The following COL5A1 variants were observed in gnomAD, a reference collection of about 807,000 sequenced individuals.
COL5A1 encodes the protein collagen alpha-1(V) chain.
Under a neutral mutation model 263.7 loss-of-function variants are expected in COL5A1, and 16 were observed. That is an observed-to-expected ratio of 0.06 (90% CI 0.04 to 0.09). The LOEUF is 0.09. Among genes scored for constraint, COL5A1 ranks in the 10% least tolerant of loss-of-function variants. The pLI is 1.00. For synonymous variants in COL5A1, 1,012 were observed against 1,004.5 expected (o/e 1.01, Z -0.14); for missense variants, 2,036 against 2,540.5 (o/e 0.80, Z 4.27).
Position 134,806,242 on chromosome 9 carries a change from A to G in COL5A1, c.3312A>G (p.Pro1104=), listed in dbSNP as rs1554803839. The G allele has an allele frequency of 1.3e-6, 2 of 1,550,422 alleles. No individual in the cohort carries two copies. The highest frequency in any genetic ancestry group is 2.7e-5 in the African/African-American group (2 of 73,120). The change falls in exon 42 of 66, where the codon CCA becomes CCG. Residue 1104 remains proline, a synonymous_variant. Transcript: ENST00000371817. ...GAGCCGCTGGGCCCATCGGAATTCC[A>G]GGGAGACCTGGGCCCCAGGGACCCC... ...PAGAAGPIGI[P]GRPGPQGPPG...
At chr9:134,840,820 C>T (rs2132939824) in intron 65 of COL5A1, among the ~76,000 whole-genome samples, 1 of 152,296 alleles carries the variant, frequency 6.6e-6, no homozygotes, top group African/African-American at 2.4e-5. Flanking sequence ...TATAGGGGCA[C>T]TAATACCACT....
At position 134,780,150 on chromosome 9, in the gene COL5A1, A is replaced by C. The variant is rs772211603; in HGVS notation, c.2430+4A>C. On this transcript the variant is annotated splice_donor_region_variant and intron_variant, in intron 28 of 65. Transcript: ENST00000371817. ...GAAGGGCACAAAGGGCGAGAAGGTA[A>C]GTCTCTCCTTGCAGCCACGGGGCCC... is the stretch of plus-strand genomic sequence containing the variant. 9.3e-6 allele frequency: 15 copies of C among 1,613,170 alleles called. No homozygotes were observed. The highest frequency in any genetic ancestry group is 1.3e-5 in the Non-Finnish European group (15 of 1,180,012).
chr9:134,776,438 A>G (rs1368743128), intron 27 of COL5A1, among the ~76,000 whole-genome samples: 2 of 152,256 alleles, frequency 1.3e-5, no homozygotes, highest in East Asian at 3.8e-4. Context: ...CATTCATGAC[A>G]TGAGCAATCC....
rs1295497431 is a variant in COL5A1 at position 134,742,250 on chromosome 9, G to A, written c.1494+3442G>A. ...CTCTTGTGCCCACGGCTGCCCGCAG[G>A]GAGCAGAGTGCAAGGAGAGGCACAG... On this transcript the variant is annotated intron_variant, in intron 11 of 65. Coordinates refer to ENST00000371817, the MANE Select transcript of COL5A1 (RefSeq NM_000093.5). The surrounding 1 kb of genome is among the most constrained non-coding windows in gnomAD (Gnocchi z 4.6). Among the ~76,000 whole-genome samples, 1 of 152,170 alleles carries A rather than the reference G, an allele frequency of 6.6e-6. No individual in the cohort carries two copies. Among genetic ancestry groups the A allele is most frequent in the Non-Finnish European group, 1.5e-5 (1 of 68,042 alleles).
chr9:134,665,328 C>T (rs1416825519), intron 1 of COL5A1, among the ~76,000 whole-genome samples: 1 of 152,176 alleles, frequency 6.6e-6, no homozygotes, highest in Non-Finnish European at 1.5e-5. Context: ...GGGCGAGAGC[C>T]GTTTAGGTGG....
intron 1 of COL5A1, among the ~76,000 whole-genome samples, chr9:134,658,192 A>G (rs1779015395): frequency 6.6e-6 from 1 of 151,898 alleles, no homozygotes; most frequent in Non-Finnish European, 1.5e-5. Flanking sequence ...ACCAATGTTC[A>G]CCCTACAACC....
rs1831707761 is a variant in COL5A1, at chr9:134,652,091, G to A, written c.109+9795G>A. Reference sequence around the variant, plus strand: ...CCTTTGGCTACAGAGTGTTCCCGCGGTCGAGGTGGGGTGAAGGGCGTTCTC... The same window carrying A: ...CCTTTGGCTACAGAGTGTTCCCGCGATCGAGGTGGGGTGAAGGGCGTTCTC... On this transcript the variant is annotated intron_variant, in intron 1 of 65. Transcript: ENST00000371817. The surrounding 1 kb of genome is among the most constrained non-coding windows in gnomAD (Gnocchi z 4.4). Among the ~76,000 whole-genome samples, 1 of 152,174 alleles carries A rather than the reference G, an allele frequency of 6.6e-6. No individual in the cohort carries two copies. The highest frequency in any genetic ancestry group is 1.5e-5 in the Non-Finnish European group (1 of 68,034).
chr9:134,743,627 A>AG, intron 11 of COL5A1, among the ~76,000 whole-genome samples: 1 of 152,276 alleles, frequency 6.6e-6, no homozygotes, highest in East Asian at 1.9e-4. Context: ...CTCCCTGCAC[A>AG]GTGGGATGCA....
At chr9:134,812,537 C>G in intron 47 of COL5A1, 35 bp downstream of exon 47, 1 of 1,612,968 alleles carries the variant, frequency 6.2e-7, no homozygotes, top group Non-Finnish European at 8.5e-7. Flanking sequence ...CCTTGCCGTA[C>G]TAGCGGCTCA....
intron 26 of COL5A1, 62 bp from the exon 27 acceptor site, chr9:134,774,797 G>A (rs1465140742): frequency 2.6e-6 from 4 of 1,549,132 alleles, no homozygotes. Context: ...GGAGTTTCCT[G>A]ATGTTCCCCA....
At chr9:134,808,591 A>T (rs143645283) in intron 42 of COL5A1, among the ~76,000 whole-genome samples, 164 of 150,998 alleles carry the variant, frequency 1.1e-3, no homozygotes, top group African/African-American at 3.9e-3. Flanking sequence ...GTGCATATTC[A>T]CACGTGTGCA....
rs983445894 is a variant in COL5A1 at position 134,808,997 on chromosome 9, T to A, written c.3367-186T>A. 1.5e-4 allele frequency: 95 copies of A among 639,378 alleles called. 1 individual carries two copies. The East Asian group carries it at 2.6e-3, about 17-fold the overall frequency. 39.6% of individuals were successfully genotyped at this position (639,378 alleles called of 1,614,324 possible). A position where few individuals can be genotyped will look rare whatever the true frequency, so the allele number is the denominator to read the frequency against. ...ATTGAAGCGATGCACCAGAAGTTCA[T>A]GGTCCAGGGGCGGGCTCAGAGTCGG... On this transcript the variant is annotated intron_variant, in intron 42 of 65. Transcript: ENST00000371817.
chr9:134,840,640 C>G (rs118085423), intron 65 of COL5A1, among the ~76,000 whole-genome samples: 1 of 152,286 alleles, frequency 6.6e-6, no homozygotes, highest in Admixed American at 6.5e-5. Context: ...CGACAAATCT[C>G]GCCAGCTGCG....
intron 25 of COL5A1, among the ~76,000 whole-genome samples, chr9:134,769,201 C>G (rs1836787449): frequency 6.6e-6 from 1 of 152,202 alleles, no homozygotes; most frequent in Non-Finnish European, 1.5e-5. Flanking sequence ...CTGTTAAAAA[C>G]TAAACAAGGA....
Position 134,750,728 on chromosome 9 carries a change from C to G in COL5A1, c.1570-62C>G, listed in dbSNP as rs868000896. 16 of 1,600,982 alleles carry G rather than the reference C, an allele frequency of 1.0e-5. No individual in the cohort carries two copies. The African/African-American group carries it at 1.9e-4, about 19-fold the overall frequency. ...AGAGGCCTGTGGGCCCCGTCTCAGT[C>G]TGTGGTCTTGCCTGGGTGCCACGTC... On this transcript the variant is annotated intron_variant, in intron 12 of 65. Coordinates refer to ENST00000371817, the MANE Select transcript of COL5A1 (RefSeq NM_000093.5).
intron 30 of COL5A1, 144 bp downstream of exon 30, chr9:134,785,240 T>C (rs1434014383): frequency 4.6e-6 from 3 of 646,398 alleles, no homozygotes; most frequent in Non-Finnish European, 8.2e-6. Context: ...CACCCTGGGT[T>C]CTCTCTGCTG....
rs373112840 is a variant in COL5A1, at chr9:134,682,367, G to C, written c.110-8545G>C. Among the ~76,000 whole-genome samples the C allele has an allele frequency of 1.3e-5, 2 of 152,326 alleles. No individual in the cohort carries two copies. The highest frequency in any genetic ancestry group is 4.1e-4 in the South Asian group (2 of 4,824). ...TGCGGCTTCCTTTAGCCACCACAGC[G>C]GGCATGGGGAGGGGACTGTGCGGGT... On this transcript the variant is annotated intron_variant, in intron 1 of 65. Transcript: ENST00000371817. This position sits in a 1 kb window ranked among gnomAD's most constrained non-coding sequence, Gnocchi z 5.1.
At chr9:134,827,870 T>G (rs1182284674) in intron 63 of COL5A1, among the ~76,000 whole-genome samples, 1 of 152,246 alleles carries the variant, frequency 6.6e-6, no homozygotes, top group Non-Finnish European at 1.5e-5. Flanking sequence ...CCGCCTGGGC[T>G]TGGCATTGAC....
intron 1 of COL5A1, among the ~76,000 whole-genome samples, chr9:134,671,166 G>C (rs1370607235): frequency 6.6e-6 from 1 of 152,214 alleles, no homozygotes; most frequent in African/African-American, 2.4e-5. Context: ...CTTCTGGGAG[G>C]GCAGACGGAG....
Sources: gnomAD v4.1 joint callset for allele counts (sites outside exome capture counted in the v4.1 genomes callset) on GRCh38, gnomAD v4.1.1 for gene constraint, Gnocchi (gnomAD v3.1) non-coding constraint, MANE v1.5 for transcripts, NCBI Gene and HGNC (gene_info 2026-07-23, HGNC 2026-07-21) for gene names.